Variants in DGKB observed in about 807,000 individuals in gnomAD.
The protein encoded by DGKB is diacylglycerol kinase beta, also known as 90 kDa diacylglycerol kinase.
In DGKB, 67 loss-of-function variants were observed where a neutral mutation model predicts 114.3. The observed-to-expected ratio is 0.59, with a 90% confidence interval of 0.48 to 0.72. DGKB has a LOEUF of 0.72. DGKB is among the 30% of genes least tolerant of loss of function. The pLI, the probability that DGKB is intolerant of heterozygous loss-of-function variation, is 0.00. For synonymous variants in DGKB, 398 were observed against 323.1 expected (o/e 1.23, Z -2.49); for missense variants, 907 against 975.2 (o/e 0.93, Z 0.93).
intron 21 of DGKB, among the ~76,000 whole-genome samples, chr7:14,378,396 G>T (rs1474979616): frequency 2.0e-5 from 3 of 152,142 alleles, no homozygotes; most frequent in Non-Finnish European, 4.4e-5. Context: ...AGTGTATCAT[G>T]ATTATGTAAG....
chr7:14,728,189 C>G (rs376138895), intron 5 of DGKB, among the ~76,000 whole-genome samples: 1 of 152,172 alleles, frequency 6.6e-6, no homozygotes, highest in Admixed American at 6.5e-5. Context: ...GATAAGGCAT[C>G]TAATTTTTTT....
chr7:14,156,815 A>C (rs1783090748), intron 25 of DGKB, among the ~76,000 whole-genome samples: 1 of 152,186 alleles, frequency 6.6e-6, no homozygotes, highest in African/African-American at 2.4e-5. Flanking sequence ...TATTATACTA[A>C]GTGCCACCAT....
At chr7:14,345,208 A>G (rs1434900774) in intron 22 of DGKB, 93 bp downstream of exon 22, 1 of 698,832 alleles carries the variant, frequency 1.4e-6, no homozygotes, top group Non-Finnish European at 2.4e-6. Context: ...TTGCTAATAT[A>G]TATTTCATTC....
intron 1 of DGKB, among the ~76,000 whole-genome samples, chr7:14,921,072 A>G (rs918062574): frequency 1.3e-4 from 20 of 152,144 alleles, no homozygotes; most frequent in Non-Finnish European, 2.2e-4. Flanking sequence ...ATAGTACCCA[A>G]TAAGTAGTTT....
intron 20 of DGKB, among the ~76,000 whole-genome samples, chr7:14,567,165 T>G (rs185863026): frequency 3.3e-5 from 3 of 90,662 alleles, no homozygotes. Flanking sequence ...CAATTATATT[T>G]ATATATATTA....
intron 13 of DGKB, among the ~76,000 whole-genome samples, chr7:14,646,084 T>C (rs947160124): frequency 1.3e-5 from 2 of 152,092 alleles, no homozygotes; most frequent in African/African-American, 4.8e-5. Flanking sequence ...GCTGAATGGA[T>C]TAAAAAACAA....
chr7:14,759,190 A>G (rs1835339775), intron 2 of DGKB, among the ~76,000 whole-genome samples: 1 of 152,136 alleles, frequency 6.6e-6, no homozygotes, highest in Admixed American at 6.5e-5. Context: ...CACCCAAAGA[A>G]CTGGGATTAC....
chr7:14,835,869 G>T (rs1847088652), intron 2 of DGKB, among the ~76,000 whole-genome samples: 1 of 152,082 alleles, frequency 6.6e-6, no homozygotes, highest in African/African-American at 2.4e-5. Context: ...CACAGTTCTG[G>T]TCCAGCTACT....
At chr7:14,570,781 G>C (rs1055865461) in intron 20 of DGKB, among the ~76,000 whole-genome samples, 6 of 151,950 alleles carry the variant, frequency 3.9e-5, no homozygotes, top group Non-Finnish European at 7.4e-5. Flanking sequence ...AAAATAGGTG[G>C]AGAAGGTAAA....
At chr7:14,284,938 C>T (rs958824881) in intron 23 of DGKB, among the ~76,000 whole-genome samples, 25 of 151,062 alleles carry the variant, frequency 1.7e-4, no homozygotes, top group African/African-American at 6.1e-4. Context: ...GTGAAGCACA[C>T]CAGCATGGCA....
intron 23 of DGKB, among the ~76,000 whole-genome samples, chr7:14,207,927 C>T (rs2128299028): frequency 6.6e-6 from 1 of 152,086 alleles, no homozygotes; most frequent in African/African-American, 2.4e-5. Flanking sequence ...CACAATTTCT[C>T]ATTTGAACCT....
At chr7:14,747,784 C>A (rs886148631) in intron 4 of DGKB, among the ~76,000 whole-genome samples, 3 of 151,926 alleles carry the variant, frequency 2.0e-5, no homozygotes, top group Non-Finnish European at 4.4e-5. Context: ...CGCACGCACA[C>A]ACACACACAC....
At chr7:14,333,933 T>C (rs1301092266) in intron 23 of DGKB, among the ~76,000 whole-genome samples, 2 of 152,220 alleles carry the variant, frequency 1.3e-5, no homozygotes, top group Non-Finnish European at 2.9e-5. Flanking sequence ...TCCAATTTCA[T>C]TGCTGGCTGC....
At position 14,922,375 on chromosome 7, in the gene DGKB, C is replaced by CGTGTGTGT. The variant is rs150420213; in HGVS notation, c.-188+52313_-188+52320dup. ...TGTCTACATATATATGTGTATCCATCGTGTGTGTGTGTGTGTGTGTGTGTG... is the reference window on the plus strand; with the variant it reads ...TGTCTACATATATATGTGTATCCATCGTGTGTGTGTGTGTGTGTGTGTGTGTGTGTGTG... On this transcript the variant is annotated intron_variant, in intron 1 of 4. Coordinates refer to the DGKB transcript ENST00000437998. Among the ~76,000 whole-genome samples, 253 of 118,276 alleles carry CGTGTGTGT rather than the reference C, an allele frequency of 2.1e-3. 1 individual carries two copies. The highest frequency in any genetic ancestry group is 6.0e-3 in the African/African-American group (158 of 26,324). 77.6% of individuals were successfully genotyped at this position (118,276 alleles called of 152,430 possible).
chr7:14,823,274 G>A (rs1167160603), intron 2 of DGKB, among the ~76,000 whole-genome samples: 4 of 151,928 alleles, frequency 2.6e-5, no homozygotes, highest in African/African-American at 9.6e-5. Flanking sequence ...TGATTTTTAA[G>A]ACCTATTTCT....
chr7:14,557,162 C>G (rs1373782338), intron 20 of DGKB, among the ~76,000 whole-genome samples: 2 of 152,074 alleles, frequency 1.3e-5, no homozygotes, highest in African/African-American at 4.8e-5. Flanking sequence ...TTAGGTGATT[C>G]GAATTCATGC....
chr7:14,496,029 A>G (rs571508292), intron 20 of DGKB, among the ~76,000 whole-genome samples: 4 of 151,954 alleles, frequency 2.6e-5, no homozygotes, highest in African/African-American at 9.6e-5. Context: ...ATACTTTTTG[A>G]CTACACAGTG....
At chr7:14,835,401 G>A (rs899941978) in intron 2 of DGKB, among the ~76,000 whole-genome samples, 2 of 152,144 alleles carry the variant, frequency 1.3e-5, no homozygotes, top group African/African-American at 4.8e-5. Flanking sequence ...ACTCCATGAG[G>A]AAACTGAAGT....
rs1409436964 is a variant in DGKB, at chr7:14,478,046, G to GCA, written c.1835+113_1835+114dup. ...TATTTACACACACACACACACACAC[G>GCA]CACACAAAGCCTCATAAAGCCAGTA... On this transcript the variant is annotated intron_variant, in intron 21 of 25. Coordinates refer to ENST00000402815, the MANE Select transcript of DGKB (RefSeq NM_001350709.2). 82 of 504,148 alleles carry GCA rather than the reference G, an allele frequency of 1.6e-4. No homozygotes were observed. In the South Asian group the frequency reaches 2.2e-3, roughly 13 times the overall value. 31.2% of individuals were successfully genotyped at this position (504,148 alleles called of 1,614,324 possible).
Sources: gnomAD v4.1 joint callset for allele counts (sites outside exome capture counted in the v4.1 genomes callset) on GRCh38, gnomAD v4.1.1 for gene constraint, MANE v1.5 for transcripts, NCBI Gene and HGNC (gene_info 2026-07-23, HGNC 2026-07-21) for gene names.